Variants in CDH13 observed in about 807,000 individuals in gnomAD.
CDH13 encodes the protein cadherin 13.
CDH13 carries 24 observed loss-of-function variants against 63.8 expected under a neutral mutation model. The observed-to-expected ratio is 0.38, with a 90% CI of 0.27 to 0.53. The LOEUF is 0.53. CDH13 is among the 20% of genes least tolerant of loss of function. CDH13 has a pLI of 0.85. For synonymous variants in CDH13, 503 were observed against 355.3 expected (o/e 1.42, Z -4.67); for missense variants, 1,049 against 903.1 (o/e 1.16, Z -2.07).
chr16:83,050,708 C>G (rs9889166), intron 3 of CDH13, among the ~76,000 whole-genome samples: 26,175 of 152,034 alleles, frequency 0.17, 2,450 homozygotes, highest in South Asian at 0.26. Flanking sequence ...CGCATCTCCA[C>G]CCGTACATTT....
chr16:83,091,831 T>C (rs2033927770), intron 3 of CDH13, among the ~76,000 whole-genome samples: 1 of 152,226 alleles, frequency 6.6e-6, no homozygotes, highest in Non-Finnish European at 1.5e-5. Context: ...TCATGATTCA[T>C]TTTTTAAAAG....
intron 6 of CDH13, among the ~76,000 whole-genome samples, chr16:83,485,727 G>A (rs1194278644): frequency 6.6e-6 from 1 of 152,040 alleles, no homozygotes; most frequent in East Asian, 1.9e-4. Flanking sequence ...AAGTCTTATT[G>A]TTTGTTATAT....
intron 5 of CDH13, among the ~76,000 whole-genome samples, chr16:83,231,820 G>A (rs749128106): frequency 2.6e-5 from 4 of 152,200 alleles, no homozygotes; most frequent in Non-Finnish European, 1.5e-5. Context: ...GCGACCCCCA[G>A]CACTGGAGGT....
At chr16:83,500,964 T>G (rs2074271233) in intron 7 of CDH13, among the ~76,000 whole-genome samples, 1 of 152,176 alleles carries the variant, frequency 6.6e-6, no homozygotes, top group African/African-American at 2.4e-5. Flanking sequence ...CGTTAATGTT[T>G]TTAAGATTGC....
chr16:83,675,441 T>A (rs1449036882), intron 9 of CDH13, among the ~76,000 whole-genome samples: 1 of 152,190 alleles, frequency 6.6e-6, no homozygotes, highest in Non-Finnish European at 1.5e-5. Context: ...CATGGCATAG[T>A]TCCTCTGAAG....
intron 5 of CDH13, among the ~76,000 whole-genome samples, chr16:83,321,695 A>T (rs542721087): frequency 7.0e-4 from 106 of 151,846 alleles, no homozygotes; most frequent in Non-Finnish European, 1.3e-3. Flanking sequence ...TGCCCAGCTA[A>T]TTTTTTGTAT....
chr16:83,761,804 C>T (rs915731927), intron 11 of CDH13, among the ~76,000 whole-genome samples: 34 of 152,304 alleles, frequency 2.2e-4, no homozygotes, highest in Admixed American at 1.6e-3. Flanking sequence ...AAGTGGCTCA[C>T]GCTTGTAATC....
chr16:83,242,514 G>C (rs1373635671), intron 5 of CDH13, among the ~76,000 whole-genome samples: 4 of 152,170 alleles, frequency 2.6e-5, no homozygotes, highest in Non-Finnish European at 5.9e-5. Flanking sequence ...GTTTGGAGAG[G>C]GTGGAATGGC....
intron 1 of CDH13, among the ~76,000 whole-genome samples, chr16:82,707,685 C>T (rs1482007091): frequency 6.6e-6 from 1 of 152,122 alleles, no homozygotes; most frequent in Non-Finnish European, 1.5e-5. Context: ...CACCCGTTGC[C>T]CTCTTTAAGC....
chr16:83,282,041 A>T (rs75347559), intron 5 of CDH13, among the ~76,000 whole-genome samples: 35,022 of 152,084 alleles, frequency 0.23, 4,344 homozygotes, highest in Middle Eastern at 0.32. Flanking sequence ...TCATTGGCTT[A>T]ATTTAAATAT....
intron 5 of CDH13, among the ~76,000 whole-genome samples, chr16:83,257,461 C>T (rs1906435077): frequency 6.6e-6 from 1 of 152,140 alleles, no homozygotes; most frequent in African/African-American, 2.4e-5. Flanking sequence ...CTTTGTCCCA[C>T]CCATCTTCGT....
intron 2 of CDH13, among the ~76,000 whole-genome samples, chr16:82,881,178 G>C (rs2040688927): frequency 1.3e-5 from 2 of 152,112 alleles, no homozygotes; most frequent in Admixed American, 6.5e-5. Flanking sequence ...CCTAATCTTT[G>C]TGCATGTGCT....
chr16:82,780,051 C>T (rs777150604), intron 1 of CDH13, among the ~76,000 whole-genome samples: 1 of 152,060 alleles, frequency 6.6e-6, no homozygotes, highest in Non-Finnish European at 1.5e-5. Flanking sequence ...CAGGTGATTT[C>T]GCCAAACAAA....
intron 2 of CDH13, among the ~76,000 whole-genome samples, chr16:83,027,424 G>T (rs867535157): frequency 2.9e-4 from 44 of 152,256 alleles, no homozygotes; most frequent in Middle Eastern, 3.4e-3. Flanking sequence ...GAGTTAACAG[G>T]GTGAAGAAGG....
intron 6 of CDH13, among the ~76,000 whole-genome samples, chr16:83,385,815 C>T (rs1370555010): frequency 6.6e-6 from 1 of 152,160 alleles, no homozygotes; most frequent in Non-Finnish European, 1.5e-5. Context: ...GCATGTCCCA[C>T]TATCTCCTTT....
At chr16:83,163,692 C>A (rs2037544257) in intron 4 of CDH13, among the ~76,000 whole-genome samples, 1 of 152,042 alleles carries the variant, frequency 6.6e-6, no homozygotes, top group Non-Finnish European at 1.5e-5. Flanking sequence ...TGATATGGTG[C>A]CAGCTGCAAA....
chr16:83,494,110 T>A (rs1368709218), intron 7 of CDH13, among the ~76,000 whole-genome samples: 1 of 152,246 alleles, frequency 6.6e-6, no homozygotes, highest in East Asian at 1.9e-4. Flanking sequence ...CTTTTTAGAT[T>A]TAACAAATGT....
At chr16:82,930,612 C>T (rs1032152424) in intron 2 of CDH13, among the ~76,000 whole-genome samples, 1 of 152,108 alleles carries the variant, frequency 6.6e-6, no homozygotes, top group African/African-American at 2.4e-5. Flanking sequence ...TCCCCGTCAG[C>T]TCTCTTTGCA....
In CDH13 at chr16:83,308,018, T is replaced by C. The variant is rs147472747; in HGVS notation, c.637-36844T>C. 4.0e-3 allele frequency among the ~76,000 whole-genome samples: 616 copies of C among 152,294 alleles called. 8 individuals carry two copies. Among genetic ancestry groups the C allele is most frequent in the Admixed American group, 0.031 (474 of 15,294 alleles). On this transcript the variant is annotated intron_variant, in intron 5 of 13. Coordinates refer to ENST00000567109, the MANE Select transcript of CDH13 (RefSeq NM_001257.5). ...ATTTTTAAATGGTTCTGTGTGTAAA[T>C]CATTGGCGTGTATTACCTCAATCAG... is the stretch of plus-strand genomic sequence containing the variant.
Sources: gnomAD v4.1 joint callset for allele counts (sites outside exome capture counted in the v4.1 genomes callset) on GRCh38, gnomAD v4.1.1 for gene constraint, MANE v1.5 for transcripts, NCBI Gene and HGNC (gene_info 2026-07-23, HGNC 2026-07-21) for gene names.